AUTS2: variants seen among roughly 807,000 people sequenced by gnomAD.
The protein encoded by AUTS2 is autism susceptibility gene 2 protein.
In AUTS2, 17 loss-of-function variants were observed where a neutral mutation model predicts 112.4. That is an observed-to-expected ratio of 0.15 (90% CI 0.10 to 0.23). The LOEUF is 0.23. Among genes scored for constraint, AUTS2 ranks in the 10% least tolerant of loss-of-function variants. The pLI, the probability that AUTS2 is intolerant of heterozygous loss-of-function variation, is 1.00. For synonymous variants in AUTS2, 751 were observed against 702.7 expected, an observed-to-expected ratio of 1.07 and a Z score of -1.09; for missense variants, 1,510 against 1,701.6, an observed-to-expected ratio of 0.89 and a Z score of 1.98.
At chr7:70,680,664 A>G (rs977074974) in intron 5 of AUTS2, among the ~76,000 whole-genome samples, 25 of 152,196 alleles carry the variant, frequency 1.6e-4, no homozygotes, top group Non-Finnish European at 3.2e-4. Flanking sequence ...CATCACCACG[A>G]GTGCTGATGG....
At position 70,700,514 on chromosome 7, in the gene AUTS2, G is replaced by C. The variant is rs187514791; in HGVS notation, c.742+1894G>C. On this transcript the variant is annotated intron_variant, in intron 6 of 18. Transcript: ENST00000342771. Reference sequence around the variant, plus strand: ...TTCCTGTTGGTAACATGAATGACAAGAGACGGAATCAGTGCGAATCCAGGT... The same window carrying C: ...TTCCTGTTGGTAACATGAATGACAACAGACGGAATCAGTGCGAATCCAGGT... Among the ~76,000 whole-genome samples, 10 of 152,258 alleles carry C rather than the reference G, an allele frequency of 6.6e-5. No homozygotes were observed. The East Asian group carries it at 1.9e-3, about 29-fold the overall frequency.
chr7:69,857,521 A>G (rs1048516275), intron 1 of AUTS2, among the ~76,000 whole-genome samples: 17 of 152,210 alleles, frequency 1.1e-4, no homozygotes, highest in African/African-American at 3.9e-4. Context: ...AATTGCTTCT[A>G]CCTCATTCTC....
rs578086338 is a variant in AUTS2 at position 70,665,397 on chromosome 7, G to A, written c.691-33172G>A. On this transcript the variant is annotated intron_variant, in intron 5 of 18. Coordinates refer to ENST00000342771, the MANE Select transcript of AUTS2 (RefSeq NM_015570.4). ...TCCCGCCTCAGTCTCCTGAGTAGCC[G>A]AGACTACAGGCACACATCACCATGA... Among the ~76,000 whole-genome samples the A allele has an allele frequency of 5.3e-5, 8 of 152,098 alleles. No homozygotes were observed. The South Asian group carries it at 1.0e-3, about 20-fold the overall frequency.
chr7:69,846,005 G>C (rs181178445), intron 1 of AUTS2, among the ~76,000 whole-genome samples: 1 of 152,126 alleles, frequency 6.6e-6, no homozygotes, highest in Admixed American at 6.5e-5. Context: ...CTGCTCCCCT[G>C]TTGCTTTATG....
intron 1 of AUTS2, among the ~76,000 whole-genome samples, chr7:69,813,106 TC>T (rs1790615025): frequency 6.6e-6 from 1 of 152,172 alleles, no homozygotes; most frequent in Admixed American, 6.5e-5. Context: ...TCACCCCATC[TC>T]CTACTATCCC....
At chr7:70,180,368 A>G (rs959909011) in intron 4 of AUTS2, among the ~76,000 whole-genome samples, 1 of 152,180 alleles carries the variant, frequency 6.6e-6, no homozygotes, top group Non-Finnish European at 1.5e-5. Flanking sequence ...AAGGTAGGGG[A>G]AGTAAATTTT....
At chr7:70,710,105 T>G (rs1042454828) in intron 6 of AUTS2, among the ~76,000 whole-genome samples, 2 of 152,104 alleles carry the variant, frequency 1.3e-5, no homozygotes, top group Non-Finnish European at 2.9e-5. Context: ...ATGATTTATC[T>G]GCTCAGTAAA....
intron 1 of AUTS2, among the ~76,000 whole-genome samples, chr7:69,674,660 A>T (rs1347073573): frequency 6.6e-6 from 1 of 152,186 alleles, no homozygotes; most frequent in Non-Finnish European, 1.5e-5. Context: ...TGAGAATCTA[A>T]TCAGTTATTT....
At chr7:69,646,331 T>G (rs1288851957) in intron 1 of AUTS2, among the ~76,000 whole-genome samples, 1 of 152,214 alleles carries the variant, frequency 6.6e-6, no homozygotes, top group Non-Finnish European at 1.5e-5. Flanking sequence ...AGTCTGTAAG[T>G]GCTTTTTTAA....
chr7:70,083,771 ACT>A (rs1475017044), intron 2 of AUTS2, among the ~76,000 whole-genome samples: 1 of 151,714 alleles, frequency 6.6e-6, no homozygotes, highest in Non-Finnish European at 1.5e-5. Context: ...ACACTGGAAA[ACT>A]CTCTCACTAC....
intron 2 of AUTS2, among the ~76,000 whole-genome samples, chr7:70,019,361 A>G (rs1460641296): frequency 6.6e-6 from 1 of 152,184 alleles, no homozygotes; most frequent in Non-Finnish European, 1.5e-5. Context: ...ACAAACCCCC[A>G]TGACACAAGT....
At chr7:69,771,519 C>T (rs1489300251) in intron 1 of AUTS2, among the ~76,000 whole-genome samples, 2 of 152,132 alleles carry the variant, frequency 1.3e-5, no homozygotes, top group East Asian at 1.9e-4. Flanking sequence ...GCGTGGAAAC[C>T]TGCAGCAGTA....
chr7:69,942,495 A>G (rs1051774904), intron 2 of AUTS2, among the ~76,000 whole-genome samples: 1 of 152,164 alleles, frequency 6.6e-6, no homozygotes, highest in Non-Finnish European at 1.5e-5. Context: ...AGTTGAAGCT[A>G]TAGGACTAAT....
chr7:69,612,424 A>G (rs907703120), intron 1 of AUTS2, among the ~76,000 whole-genome samples: 3 of 151,988 alleles, frequency 2.0e-5, no homozygotes, highest in Admixed American at 6.6e-5. Flanking sequence ...AACCTTGGAA[A>G]AGAGAGAGCC....
intron 2 of AUTS2, among the ~76,000 whole-genome samples, chr7:70,002,968 A>AT (rs960506394): frequency 6.6e-6 from 1 of 151,492 alleles, no homozygotes; most frequent in African/African-American, 2.4e-5. Context: ...TATAATGTTA[A>AT]TTTTTTGAAA....
At chr7:69,615,753 A>G (rs1411614528) in intron 1 of AUTS2, among the ~76,000 whole-genome samples, 2 of 152,242 alleles carry the variant, frequency 1.3e-5, no homozygotes, top group South Asian at 2.1e-4. Flanking sequence ...AATACAGCCC[A>G]TATGGCCATT....
intron 2 of AUTS2, among the ~76,000 whole-genome samples, chr7:69,950,176 A>ATATATC (rs1053678188): frequency 2.6e-4 from 40 of 152,164 alleles, no homozygotes; most frequent in Non-Finnish European, 5.0e-4. Context: ...ACTGTTAGCT[A>ATATATC]TATATCTATA....
chr7:69,691,153 G>T (rs1227463268), intron 1 of AUTS2, among the ~76,000 whole-genome samples: 1 of 152,208 alleles, frequency 6.6e-6, no homozygotes, highest in African/African-American at 2.4e-5. Flanking sequence ...GAGGAAGTAT[G>T]TGCTGATTGG....
intron 4 of AUTS2, among the ~76,000 whole-genome samples, chr7:70,339,793 AAAGT>A (rs1276571534): frequency 1.3e-5 from 2 of 152,164 alleles, no homozygotes; most frequent in Non-Finnish European, 2.9e-5. Context: ...GTCTTGACAT[AAAGT>A]AAGTATTAGA....
Sources: gnomAD v4.1 joint callset for allele counts (sites outside exome capture counted in the v4.1 genomes callset) on GRCh38, gnomAD v4.1.1 for gene constraint, MANE v1.5 for transcripts, NCBI Gene and HGNC (gene_info 2026-07-23, HGNC 2026-07-21) for gene names.